Variants in HSDL1 observed in about 807,000 individuals in gnomAD.
HSDL1 encodes the protein inactive hydroxysteroid dehydrogenase-like protein 1.
Under a neutral mutation model 31.5 loss-of-function variants are expected in HSDL1, and 29 were observed. That is an observed-to-expected ratio of 0.92 (90% CI 0.69 to 1.26). HSDL1 has a LOEUF of 1.26. Ranked by LOEUF, HSDL1 falls within the 50% of genes most tolerant of loss-of-function variation. The probability of loss-of-function intolerance (pLI) is 0.00; values close to 1 mark genes in which losing one functional copy is unlikely to be tolerated. For missense variants in HSDL1, 503 were observed against 416.6 expected (o/e 1.21, Z -1.81); for synonymous variants, 222 against 155.2 (o/e 1.43, Z -3.20).
intron 2 of HSDL1, 49 bp from the exon 3 acceptor site, chr16:84,131,376 G>A: frequency 7.6e-7 from 1 of 1,316,406 alleles, no homozygotes; most frequent in Non-Finnish European, 1.1e-6. Flanking sequence ...ATAAATTAAA[G>A]GAACATACAC....
At chr16:84,141,654 G>A (rs192644482) in intron 1 of HSDL1, among the ~76,000 whole-genome samples, 1 of 152,348 alleles carries the variant, frequency 6.6e-6, no homozygotes, top group East Asian at 1.9e-4. Context: ...CAATGTCACT[G>A]GCTGGTAGCG....
Position 84,124,677 on chromosome 16 carries a change from T to A in HSDL1, c.946A>T (p.Ile316Phe), listed in dbSNP as rs1422966310. The A allele has an allele frequency of 6.2e-7, 1 of 1,614,000 alleles. No homozygotes were observed. Among genetic ancestry groups the A allele is most frequent in the South Asian group, 1.1e-5 (1 of 91,088 alleles). Residue 316 changes from isoleucine (I) to phenylalanine (F), a missense_variant, in exon 6 of 6, where the codon ATT (isoleucine) becomes TTT (phenylalanine). Transcript: ENST00000219439. ...PEWLWVWGAN[I>F]LNRSLRKEAL... The stretch of plus-strand genomic sequence containing the variant: ...TCCTTACGTAGTGAACGGTTGAGAA[T>A]ATTTGCTCCCCACACCCAGAGCCAT...
intron 5 of HSDL1, among the ~76,000 whole-genome samples, chr16:84,126,524 C>A (rs773043374): frequency 6.6e-6 from 1 of 152,102 alleles, no homozygotes. Flanking sequence ...GCCAACAGTG[C>A]TGAGGTGGAG....
rs777936799 is a variant in HSDL1, at chr16:84,130,280, C to G, written c.372G>C (p.Ala124=). The G allele has an allele frequency of 3.7e-6, 6 of 1,614,006 alleles. No homozygotes were observed. The highest frequency in any genetic ancestry group is 5.1e-6 in the Non-Finnish European group (6 of 1,180,048). The change falls in exon 4 of 6, where the codon GCG becomes GCC. Residue 124 remains alanine (A), a synonymous_variant. Coordinates refer to ENST00000219439, the MANE Select transcript of HSDL1 (RefSeq NM_031463.5). The part of the protein sequence containing the change: ...TYKVETDIIV[A]DFSSGREIYL... The stretch of plus-strand genomic sequence containing the variant: ...AGATCTCACGACCGCTGCTGAAGTC[C>G]GCAACTATAATATCAGTTTCCACTT...
At chr16:84,140,557 A>G (rs913992983) in intron 1 of HSDL1, among the ~76,000 whole-genome samples, 2 of 152,038 alleles carry the variant, frequency 1.3e-5, no homozygotes, top group African/African-American at 4.8e-5. Context: ...GAGCCACTGC[A>G]CCTGGCAAAA....
At chr16:84,137,722 T>C (rs2151190761) in intron 1 of HSDL1, among the ~76,000 whole-genome samples, 1 of 152,364 alleles carries the variant, frequency 6.6e-6, no homozygotes, top group South Asian at 2.1e-4. Context: ...CTGTACATGA[T>C]GGAAAATAAC....
intron 1 of HSDL1, among the ~76,000 whole-genome samples, chr16:84,136,765 A>G (rs2086716811): frequency 6.6e-6 from 1 of 152,208 alleles, no homozygotes; most frequent in Admixed American, 6.5e-5. Flanking sequence ...AACGTGTGTT[A>G]ATATTATTGT....
At chr16:84,140,742 T>C (rs763752081) in intron 1 of HSDL1, among the ~76,000 whole-genome samples, 1 of 152,156 alleles carries the variant, frequency 6.6e-6, no homozygotes, top group Non-Finnish European at 1.5e-5. Context: ...TCCTAAATTC[T>C]GGGGTAGTCA....
chr16:84,141,238 A>G (rs902249298), intron 1 of HSDL1, among the ~76,000 whole-genome samples: 4 of 151,668 alleles, frequency 2.6e-5, no homozygotes, highest in Non-Finnish European at 4.4e-5. Flanking sequence ...TATATAGTCC[A>G]TCCTCCTCGG....
At position 84,129,772 on chromosome 16, in the gene HSDL1, A is replaced by T; in HGVS notation, c.670T>A (p.Tyr224Asn). The change falls in exon 5 of 6, where the codon TAT (tyrosine) becomes AAT (asparagine). Residue 224 changes from tyrosine (Y) to asparagine (N), a missense_variant. Physicochemically the swap from Tyr to Asn is moderately radical, Grantham distance 143 (BLOSUM62 -2). Coordinates refer to ENST00000219439, the MANE Select transcript of HSDL1 (RefSeq NM_031463.5). ...QLAAFSASKA[Y>N]LDHFSRALQY... ...AAGGCTCTGCTGAAGTGGTCTAAATAAGCCTGTTGAGACAGAGGGGAGGAA... is the reference window on the plus strand; with the variant it reads ...AAGGCTCTGCTGAAGTGGTCTAAATTAGCCTGTTGAGACAGAGGGGAGGAA... 6.8e-6 allele frequency: 11 copies of T among 1,611,044 alleles called. No homozygotes were observed. The highest frequency in any genetic ancestry group is 5.1e-6 in the Non-Finnish European group (6 of 1,177,312).
rs2086643800 is a variant in HSDL1 at position 84,129,735 on chromosome 16, T to C, written c.707A>G (p.Tyr236Cys). 1.2e-6 allele frequency: 2 copies of C among 1,614,074 alleles called. No homozygotes were observed. The highest frequency in any genetic ancestry group is 1.7e-6 in the Non-Finnish European group (2 of 1,180,018). Residue 236 changes from tyrosine to cysteine, a missense_variant, in exon 5 of 6, where the codon TAT becomes TGT. Tyr to Cys is a radical substitution (Grantham distance 194, BLOSUM62 -2). Transcript: ENST00000219439. ...DHFSRALQYEYASKGIFVQSL... is the reference protein window; with the variant it reads ...DHFSRALQYECASKGIFVQSL... ...CTGTACAAAGATTCCTTTAGAGGCA[T>C]ATTCATATTGCAAGGCTCTGCTGAA...
intron 1 of HSDL1, among the ~76,000 whole-genome samples, chr16:84,137,965 C>A: frequency 1.3e-5 from 2 of 150,862 alleles, no homozygotes; most frequent in East Asian, 1.9e-4. Context: ...CTGAGCGTTC[C>A]GCCCCACTCC....
chr16:84,130,010 C>T lies in HSDL1; in HGVS notation c.642G>A (p.Gln214=). 6.2e-7 allele frequency: 1 copy of T among 1,613,886 alleles called. No homozygotes were observed. The highest frequency in any genetic ancestry group is 1.1e-5 in the South Asian group (1 of 91,040). ...SSGSCCKPTP[Q]LAAFSASKAY... Reference sequence around the variant, plus strand: ...CCTTAGAAGCAGAAAATGCAGCCAGCTGAGGAGTGGGTTTGCAGCAGGAGC... The same window carrying T: ...CCTTAGAAGCAGAAAATGCAGCCAGTTGAGGAGTGGGTTTGCAGCAGGAGC... The change falls in exon 4 of 6, where the codon CAG becomes CAA. Residue 214 remains glutamine (Q), a synonymous_variant. Coordinates refer to ENST00000219439, the MANE Select transcript of HSDL1 (RefSeq NM_031463.5).
At chr16:84,138,331 G>A (rs1429807380) in intron 1 of HSDL1, among the ~76,000 whole-genome samples, 3 of 152,200 alleles carry the variant, frequency 2.0e-5, no homozygotes, top group East Asian at 1.9e-4. Context: ...TCATGGGTGG[G>A]AAGTTTTGGT....
chr16:84,128,372 T>C (rs1057353820), intron 5 of HSDL1, among the ~76,000 whole-genome samples: 10 of 152,144 alleles, frequency 6.6e-5, no homozygotes, highest in Non-Finnish European at 1.3e-4. Context: ...TAGATAATTA[T>C]GCATTCTCAA....
Position 84,131,341 on chromosome 16 carries a change from G to T in HSDL1, c.-6-14C>A, listed in dbSNP as rs771990926. On this transcript the variant is annotated splice_polypyrimidine_tract_variant and intron_variant, in intron 2 of 5. Coordinates refer to ENST00000219439, the MANE Select transcript of HSDL1 (RefSeq NM_031463.5). ...AGCCATGGCAACCTGCAGGGAGAGGGAAAGAGAGAGAGCCTCTTTGATTAA... is the reference window on the plus strand; with the variant it reads ...AGCCATGGCAACCTGCAGGGAGAGGTAAAGAGAGAGAGCCTCTTTGATTAA... 2 of 1,537,992 alleles carry T rather than the reference G, an allele frequency of 1.3e-6. No homozygotes were observed. The highest frequency in any genetic ancestry group is 1.7e-5 in the Admixed American group (1 of 59,878).
intron 1 of HSDL1, among the ~76,000 whole-genome samples, chr16:84,142,499 G>A (rs547028677): frequency 1.5e-5 from 2 of 133,128 alleles, no homozygotes; most frequent in Non-Finnish European, 1.5e-5. Flanking sequence ...GCAATGGCGC[G>A]ATCTTAGCTC....
At chr16:84,140,857 A>C (rs943360568) in intron 1 of HSDL1, among the ~76,000 whole-genome samples, 15 of 151,870 alleles carry the variant, frequency 9.9e-5, no homozygotes, top group Middle Eastern at 3.2e-3. Context: ...TAATCCCAGC[A>C]CTTTGGGAGG....
At chr16:84,136,376 T>C (rs960888341) in intron 1 of HSDL1, among the ~76,000 whole-genome samples, 3 of 152,266 alleles carry the variant, frequency 2.0e-5, no homozygotes, top group African/African-American at 7.2e-5. Flanking sequence ...CAGCAGGCTA[T>C]AGTCCTCCAG....
Sources: allele counts gnomAD v4.1 joint callset (sites outside exome capture counted in the v4.1 genomes callset), GRCh38; gene constraint gnomAD v4.1.1; transcripts MANE v1.5; gene names NCBI Gene and HGNC (gene_info 2026-07-23, HGNC 2026-07-21).